PRKCE: variants seen among roughly 807,000 people sequenced by gnomAD.
PRKCE encodes protein kinase C epsilon type.
A neutral mutation model predicts 85.4 loss-of-function variants in PRKCE; 16 were observed. That is an observed-to-expected ratio of 0.19 (90% confidence interval 0.13 to 0.28). PRKCE has a LOEUF of 0.28. PRKCE is among the 10% of genes least tolerant of loss of function. The pLI is 1.00. For synonymous variants in PRKCE, 388 were observed against 371.5 expected, an observed-to-expected ratio of 1.04 and a Z score of -0.51; for missense variants, 573 against 975.2, an observed-to-expected ratio of 0.59 and a Z score of 5.49.
Position 45,823,914 on chromosome 2 carries a change from A to G in PRKCE, c.349-19086A>G, listed in dbSNP as rs539866543. On this transcript the variant is annotated intron_variant, in intron 1 of 14. Transcript: ENST00000306156. ...GAGGCTCGCAGCTCCTGGGAGGAGC[A>G]AGGATATGGCGTCTGGCTCAGCTGA... Among the ~76,000 whole-genome samples, 171 of 152,364 alleles carry G rather than the reference A, an allele frequency of 1.1e-3. 1 individual carries two copies. The highest frequency in any genetic ancestry group is 3.9e-3 in the African/African-American group (163 of 41,596).
At chr2:45,785,005 C>A (rs1247422563) in intron 1 of PRKCE, among the ~76,000 whole-genome samples, 1 of 152,112 alleles carries the variant, frequency 6.6e-6, no homozygotes, top group East Asian at 1.9e-4. Flanking sequence ...CTCATCAAAT[C>A]AAAGAGAAAC....
At chr2:45,796,199 G>A (rs554804072) in intron 1 of PRKCE, among the ~76,000 whole-genome samples, 1 of 152,244 alleles carries the variant, frequency 6.6e-6, no homozygotes, top group Non-Finnish European at 1.5e-5. Context: ...TCTTATTCTA[G>A]GCTGACAAAA....
Position 46,185,021 on chromosome 2 carries a change from T to C in PRKCE, c.*140T>C. 2 of 1,225,048 alleles carry C rather than the reference T, an allele frequency of 1.6e-6. No individual in the cohort carries two copies. The highest frequency in any genetic ancestry group is 1.5e-5 in the South Asian group (1 of 66,212). 75.9% of individuals were successfully genotyped at this position (1,225,048 alleles called of 1,614,324 possible). A position where few individuals can be genotyped will look rare whatever the true frequency, so the allele number is the denominator to read the frequency against. On this transcript the variant is annotated 3_prime_UTR_variant, in exon 15 of 15. Transcript: ENST00000306156. This position sits in a 1 kb window ranked among gnomAD's most constrained non-coding sequence, Gnocchi z 4.7. Reference sequence around the variant, plus strand: ...CATGTCCACTGTCTATTTATTGCATTCCCTTGCCCCAGGCCACCTCCTCCC... The same window carrying C: ...CATGTCCACTGTCTATTTATTGCATCCCCTTGCCCCAGGCCACCTCCTCCC...
chr2:45,702,920 C>T (rs1211693098), intron 1 of PRKCE, among the ~76,000 whole-genome samples: 1 of 152,152 alleles, frequency 6.6e-6, no homozygotes, highest in East Asian at 1.9e-4. Context: ...AGAAAGACTT[C>T]TGGGCTTAGT....
intron 1 of PRKCE, among the ~76,000 whole-genome samples, chr2:45,744,508 C>CT (rs1682949725): frequency 2.7e-5 from 1 of 37,632 alleles, no homozygotes; most frequent in Non-Finnish European, 5.6e-5. Context: ...TCTTTTCTTT[C>CT]TTTCTTTCTT....
chr2:46,131,235 G>A (rs1325895813), intron 11 of PRKCE, among the ~76,000 whole-genome samples: 2 of 152,206 alleles, frequency 1.3e-5, no homozygotes, highest in Non-Finnish European at 2.9e-5. Context: ...GCAGGGGTGA[G>A]GCTGTGGCCT....
At chr2:45,955,554 C>T (rs1402319060) in intron 2 of PRKCE, among the ~76,000 whole-genome samples, 3 of 152,190 alleles carry the variant, frequency 2.0e-5, no homozygotes, top group Non-Finnish European at 4.4e-5. Flanking sequence ...GCTGGTGGTA[C>T]TAACCTGTAG....
chr2:45,967,162 G>A (rs1168954254), intron 2 of PRKCE, among the ~76,000 whole-genome samples: 1 of 152,094 alleles, frequency 6.6e-6, no homozygotes, highest in African/African-American at 2.4e-5. Flanking sequence ...GCCATTTCAC[G>A]CTACTATGTG....
intron 1 of PRKCE, among the ~76,000 whole-genome samples, chr2:45,657,199 T>C (rs139372726): frequency 1.7e-3 from 252 of 152,350 alleles, no homozygotes; most frequent in Non-Finnish European, 3.0e-3. Flanking sequence ...TGCTGTATTC[T>C]GTAGAAGAGG....
intron 2 of PRKCE, among the ~76,000 whole-genome samples, chr2:45,918,982 G>A (rs999929785): frequency 1.3e-5 from 2 of 152,208 alleles, no homozygotes; most frequent in Admixed American, 1.3e-4. Flanking sequence ...ATATGGCAGT[G>A]GCCAGGGTAT....
intron 1 of PRKCE, among the ~76,000 whole-genome samples, chr2:45,779,936 C>A (rs1686051770): frequency 6.6e-6 from 1 of 152,238 alleles, no homozygotes; most frequent in Non-Finnish European, 1.5e-5. Context: ...TCAGCTTCAA[C>A]ATTTATCAAT....
intron 10 of PRKCE, among the ~76,000 whole-genome samples, chr2:46,042,799 G>A (rs1708289352): frequency 6.6e-6 from 1 of 152,212 alleles, no homozygotes; most frequent in Non-Finnish European, 1.5e-5. Flanking sequence ...ATCAGGAATG[G>A]TAACTCCAGC....
At chr2:45,996,096 A>G (rs2104688749) in intron 6 of PRKCE, among the ~76,000 whole-genome samples, 1 of 152,282 alleles carries the variant, frequency 6.6e-6, no homozygotes, top group Admixed American at 6.5e-5. Context: ...ATTTATATGT[A>G]AATATTTCAT....
chr2:46,074,150 A>G (rs1292506710), intron 10 of PRKCE, among the ~76,000 whole-genome samples: 2 of 152,178 alleles, frequency 1.3e-5, no homozygotes, highest in South Asian at 2.1e-4. Context: ...TGATTTGCTT[A>G]TCTTTAAAAC....
At chr2:46,035,800 T>A (rs1266623317) in intron 10 of PRKCE, among the ~76,000 whole-genome samples, 1 of 152,220 alleles carries the variant, frequency 6.6e-6, no homozygotes, top group Non-Finnish European at 1.5e-5. Flanking sequence ...TAATTTAACA[T>A]CTGTTTATCT....
At chr2:45,762,055 G>A (rs1487787413) in intron 1 of PRKCE, among the ~76,000 whole-genome samples, 1 of 152,262 alleles carries the variant, frequency 6.6e-6, no homozygotes, top group African/African-American at 2.4e-5. Flanking sequence ...TGGTTGGCGT[G>A]CACCATTCAG....
chr2:46,142,736 G>T (rs10180690), intron 11 of PRKCE, among the ~76,000 whole-genome samples: 16,985 of 152,274 alleles, frequency 0.11, 1,093 homozygotes, highest in African/African-American at 0.17. Flanking sequence ...AGCAGGAGCT[G>T]GGGAGCAGTG....
intron 10 of PRKCE, among the ~76,000 whole-genome samples, chr2:46,076,521 C>T (rs1407940417): frequency 6.6e-6 from 1 of 152,076 alleles, no homozygotes; most frequent in Admixed American, 6.6e-5. Context: ...GTCAGTTTGG[C>T]GCAGCTTTAG....
At chr2:46,066,739 T>C (rs1004985730) in intron 10 of PRKCE, among the ~76,000 whole-genome samples, 2 of 152,212 alleles carry the variant, frequency 1.3e-5, no homozygotes, top group African/African-American at 4.8e-5. Context: ...AACTATGTCC[T>C]GGGCTTCACA....
Sources: gnomAD v4.1 joint callset for allele counts (sites outside exome capture counted in the v4.1 genomes callset) on GRCh38, gnomAD v4.1.1 for gene constraint, Gnocchi (gnomAD v3.1) non-coding constraint, MANE v1.5 for transcripts, NCBI Gene and HGNC (gene_info 2026-07-23, HGNC 2026-07-21) for gene names.